The following ZNF423 variants were observed in gnomAD, a reference collection of about 807,000 sequenced individuals.
ZNF423 encodes the protein Ebf-associated zinc finger protein.
In ZNF423, 12 loss-of-function variants were observed where a neutral mutation model predicts 95.8. The observed-to-expected ratio is 0.13, with a 90% CI of 0.08 to 0.20. ZNF423 has a LOEUF of 0.20. ZNF423 is among the 10% of genes least tolerant of loss of function. The pLI, the probability that ZNF423 is intolerant of heterozygous loss-of-function variation, is 1.00. For synonymous variants in ZNF423, 749 were observed against 711.9 expected, an observed-to-expected ratio of 1.05 and a Z score of -0.83; for missense variants, 1,316 against 1,737.1, an observed-to-expected ratio of 0.76 and a Z score of 4.31.
chr16:49,710,557 A>G (rs548518214), intron 3 of ZNF423, among the ~76,000 whole-genome samples: 87 of 152,298 alleles, frequency 5.7e-4, no homozygotes, highest in African/African-American at 2.0e-3. Context: ...GGGAGACTCC[A>G]TCCCTGCATC....
intron 1 of ZNF423, among the ~76,000 whole-genome samples, chr16:49,797,745 G>C (rs2034521356): frequency 1.3e-5 from 2 of 152,214 alleles, no homozygotes; most frequent in South Asian, 2.1e-4. Context: ...TTGCTGAAAA[G>C]AGAACAAGCT....
intron 5 of ZNF423, among the ~76,000 whole-genome samples, chr16:49,555,759 A>C (rs924301225): frequency 6.6e-6 from 1 of 152,156 alleles, no homozygotes; most frequent in Non-Finnish European, 1.5e-5. Flanking sequence ...TGGGTGAATA[A>C]ATAAATGGAT....
chr16:49,522,865 G>T (rs1174711846), intron 7 of ZNF423, among the ~76,000 whole-genome samples: 1 of 152,182 alleles, frequency 6.6e-6, no homozygotes. Context: ...GTGGGCATGT[G>T]ATCTCTCCAG....
intron 5 of ZNF423, among the ~76,000 whole-genome samples, chr16:49,579,520 G>A (rs1970599642): frequency 6.6e-6 from 1 of 152,152 alleles, no homozygotes; most frequent in African/African-American, 2.4e-5. Flanking sequence ...CAGACCGTGG[G>A]GAGCTTGGGA....
intron 5 of ZNF423, among the ~76,000 whole-genome samples, chr16:49,544,367 G>A (rs1969366438): frequency 6.6e-6 from 1 of 152,164 alleles, no homozygotes; most frequent in Non-Finnish European, 1.5e-5. Context: ...CTCTCTGAAC[G>A]TACGCTATAC....
intron 5 of ZNF423, among the ~76,000 whole-genome samples, chr16:49,589,135 G>A (rs1051837885): frequency 6.6e-6 from 1 of 152,172 alleles, no homozygotes; most frequent in African/African-American, 2.4e-5. Flanking sequence ...TCCCCCAAGA[G>A]TCACTGAAAC....
intron 2 of ZNF423, among the ~76,000 whole-genome samples, chr16:49,747,771 G>A (rs1408608431): frequency 1.3e-5 from 2 of 152,196 alleles, no homozygotes; most frequent in African/African-American, 4.8e-5. Context: ...TTTAGATGGA[G>A]AAGGCACTGA....
At chr16:49,517,571 G>A (rs947085027) in intron 7 of ZNF423, among the ~76,000 whole-genome samples, 1 of 152,166 alleles carries the variant, frequency 6.6e-6, no homozygotes, top group Non-Finnish European at 1.5e-5. Flanking sequence ...CAGGTATATG[G>A]ACAAAGCTTA....
intron 2 of ZNF423, among the ~76,000 whole-genome samples, chr16:49,780,306 G>A (rs1168570425): frequency 2.0e-5 from 3 of 152,198 alleles, no homozygotes; most frequent in Non-Finnish European, 2.9e-5. Context: ...AGAGCCAGAG[G>A]AAAAGGGTGG....
At chr16:49,796,214 TG>T (rs1030716633) in intron 1 of ZNF423, among the ~76,000 whole-genome samples, 1 of 152,088 alleles carries the variant, frequency 6.6e-6, no homozygotes, top group Non-Finnish European at 1.5e-5. Context: ...GCTCTGGGAT[TG>T]GCCACAGCTC....
chr16:49,564,939 C>T (rs1970139606), intron 5 of ZNF423, among the ~76,000 whole-genome samples: 3 of 152,312 alleles, frequency 2.0e-5, no homozygotes, highest in Admixed American at 6.5e-5. Flanking sequence ...CCACGGGTCC[C>T]TCTCCCCACT....
intron 3 of ZNF423, among the ~76,000 whole-genome samples, chr16:49,727,250 C>T (rs1218616380): frequency 6.6e-6 from 1 of 152,182 alleles, no homozygotes; most frequent in Non-Finnish European, 1.5e-5. Flanking sequence ...GCATGCCACT[C>T]CTGCTGAGGA....
intron 2 of ZNF423, among the ~76,000 whole-genome samples, chr16:49,780,059 A>G (rs1023701896): frequency 1.3e-5 from 2 of 152,242 alleles, no homozygotes; most frequent in Admixed American, 1.3e-4. Context: ...CAGCAAGACA[A>G]GCCTAGCTCC....
chr16:49,513,931 C>G (rs528663917), intron 7 of ZNF423, among the ~76,000 whole-genome samples: 26 of 152,014 alleles, frequency 1.7e-4, no homozygotes, highest in African/African-American at 5.8e-4. Flanking sequence ...CTAGGAAGCC[C>G]CATCTTGATC....
At chr16:49,720,688 T>C (rs1353878514) in intron 3 of ZNF423, among the ~76,000 whole-genome samples, 3 of 152,256 alleles carry the variant, frequency 2.0e-5, no homozygotes, top group African/African-American at 7.2e-5. Flanking sequence ...TGGTTATCAA[T>C]TGATAACTGA....
At chr16:49,516,171 TA>T (rs1156347200) in intron 7 of ZNF423, among the ~76,000 whole-genome samples, 2 of 152,184 alleles carry the variant, frequency 1.3e-5, no homozygotes, top group Non-Finnish European at 2.9e-5. Flanking sequence ...CCATGCCCTT[TA>T]TGCCCCGTCT....
intron 5 of ZNF423, among the ~76,000 whole-genome samples, chr16:49,534,511 C>T (rs191272329): frequency 1.3e-5 from 2 of 152,306 alleles, no homozygotes; most frequent in Non-Finnish European, 2.9e-5. Context: ...CCTTGGCCTC[C>T]CAAAGTGCTG....
chr16:49,621,321 C>T (rs1972073407), intron 5 of ZNF423, among the ~76,000 whole-genome samples: 2 of 152,226 alleles, frequency 1.3e-5, no homozygotes, highest in African/African-American at 4.8e-5. Context: ...CAAAGGAGAC[C>T]CTGCTATTGA....
intron 7 of ZNF423, among the ~76,000 whole-genome samples, chr16:49,514,905 T>C (rs748859127): frequency 1.1e-4 from 16 of 152,212 alleles, no homozygotes; most frequent in Non-Finnish European, 2.1e-4. Context: ...ATACACGCGC[T>C]GTGAACTCTG....
Sources: gnomAD v4.1 joint callset for allele counts (sites outside exome capture counted in the v4.1 genomes callset) on GRCh38, gnomAD v4.1.1 for gene constraint, MANE v1.5 for transcripts, NCBI Gene and HGNC (gene_info 2026-07-23, HGNC 2026-07-21) for gene names.